Variants in HMG20A observed in about 807,000 individuals in gnomAD.
HMG20A encodes the protein high mobility group protein 20A.
Under a neutral mutation model 43.9 loss-of-function variants are expected in HMG20A, and 17 were observed. The observed-to-expected ratio is 0.39, with a 90% CI of 0.27 to 0.58. The LOEUF is 0.58. HMG20A is among the 20% of genes least tolerant of loss of function. The probability of loss-of-function intolerance (pLI) is 0.59; values close to 1 mark genes in which losing one functional copy is unlikely to be tolerated. For synonymous variants in HMG20A, 132 were observed against 147.5 expected, an observed-to-expected ratio of 0.89 and a Z score of 0.76; for missense variants, 341 against 438.2, an observed-to-expected ratio of 0.78 and a Z score of 1.98.
Position 77,460,467 on chromosome 15 carries a change from A to G in HMG20A, c.89+1971A>G, listed in dbSNP as rs576152137. On this transcript the variant is annotated intron_variant, in intron 2 of 9. Coordinates refer to ENST00000336216, the MANE Select transcript of HMG20A (RefSeq NM_001304504.2). ...AGGAGCTCAGTTTTGGAAATTTTAC[A>G]TTAAAGATGCTTATTAGATATCTAA... is the stretch of plus-strand genomic sequence containing the variant. Among the ~76,000 whole-genome samples the G allele has an allele frequency of 2.3e-4, 35 of 152,352 alleles. 1 individual carries two copies. The highest frequency in any genetic ancestry group is 8.4e-4 in the African/African-American group (35 of 41,588).
chr15:77,475,039 G>A (rs971201410), intron 6 of HMG20A, among the ~76,000 whole-genome samples: 9 of 152,152 alleles, frequency 5.9e-5, no homozygotes, highest in African/African-American at 2.2e-4. Context: ...AACTAAGATA[G>A]AAACAATAAT....
intron 2 of HMG20A, among the ~76,000 whole-genome samples, chr15:77,461,336 G>T (rs2072702997): frequency 6.6e-6 from 1 of 152,152 alleles, no homozygotes; most frequent in Non-Finnish European, 1.5e-5. Flanking sequence ...GAGAAAAATT[G>T]GGACCTTAAC....
chr15:77,477,555 A>C lies in HMG20A; in HGVS notation c.616A>C (p.Lys206Gln), dbSNP rs1291461088. Residue 206 changes from lysine (K) to glutamine (Q), a missense_variant and splice_region_variant, in exon 7 of 10, where the codon AAA (lysine) becomes CAA (glutamine). Lys to Gln is a moderately conservative substitution (Grantham distance 53, BLOSUM62 1). Coordinates refer to ENST00000336216, the MANE Select transcript of HMG20A (RefSeq NM_001304504.2). ...CTGTTTTGTTCCTCTTGATTCACAG[A>C]AAGAAACAGAGGTAAAGGAACGGTC... ...AARQATHDHE[K>Q]ETEVKERSVF... 1 of 1,604,626 alleles carries C rather than the reference A, an allele frequency of 6.2e-7. No individual in the cohort carries two copies. The highest frequency in any genetic ancestry group is 1.3e-5 in the African/African-American group (1 of 74,724).
At chr15:77,428,821 A>G (rs1472758697) in intron 1 of HMG20A, among the ~76,000 whole-genome samples, 3 of 152,048 alleles carry the variant, frequency 2.0e-5, no homozygotes, top group Admixed American at 2.0e-4. Flanking sequence ...AAAAATAGCC[A>G]GACATGGTGG....
chr15:77,465,085 C>T (rs914676507), intron 3 of HMG20A, among the ~76,000 whole-genome samples: 1 of 151,510 alleles, frequency 6.6e-6, no homozygotes, highest in African/African-American at 2.4e-5. Flanking sequence ...CATGGTGAAA[C>T]CCCGTCTCTA....
At chr15:77,500,111 G>A in the HMG20A span, among the ~76,000 whole-genome samples, 4 of 152,030 alleles carry the variant, frequency 2.6e-5, no homozygotes, top group Admixed American at 6.6e-5. Flanking sequence ...GATTACAAGC[G>A]TGAGCCACTG....
intron 1 of HMG20A, among the ~76,000 whole-genome samples, chr15:77,443,564 G>C (rs755457565): frequency 9.3e-5 from 14 of 150,738 alleles, no homozygotes; most frequent in Non-Finnish European, 1.6e-4. Context: ...GCTAATTTTT[G>C]TATTTTCAGT....
intron 1 of HMG20A, among the ~76,000 whole-genome samples, chr15:77,445,083 T>C (rs2073658436): frequency 6.6e-6 from 1 of 152,248 alleles, no homozygotes; most frequent in Non-Finnish European, 1.5e-5. Context: ...TTAGTTTCCA[T>C]TTATTACACT....
At chr15:77,492,635 T>C in the HMG20A span, among the ~76,000 whole-genome samples, 5 of 151,542 alleles carry the variant, frequency 3.3e-5, no homozygotes, top group African/African-American at 1.2e-4. Context: ...CTGGGAAACA[T>C]GGTGAGATCT....
At chr15:77,481,389 T>A (rs2072904748) in intron 9 of HMG20A, among the ~76,000 whole-genome samples, 1 of 152,222 alleles carries the variant, frequency 6.6e-6, no homozygotes, top group Admixed American at 6.5e-5. Flanking sequence ...CTTCCCATTT[T>A]CGTACAGTGT....
rs2072884642 is a variant in HMG20A, at chr15:77,479,193, C to G, written c.922C>G (p.Pro308Ala). ...SMPLPGSGET[P>A]TVDTIDSYMN... ...TCTCACTTCAGGAAGTGGAGAGACA[C>G]CTACAGTGGACACCATTGACTCATA... Residue 308 changes from proline (P) to alanine (A), a missense_variant, in exon 9 of 10, where the codon CCT (proline) becomes GCT (alanine). Physicochemically the swap from Pro to Ala is conservative, Grantham distance 27. This residue lies in a region of HMG20A where 118 missense variants were observed against 154.5 expected (regional missense o/e 0.76). Transcript: ENST00000336216. The G allele has an allele frequency of 6.2e-7, 1 of 1,613,708 alleles. No individual in the cohort carries two copies.
intron 1 of HMG20A, among the ~76,000 whole-genome samples, chr15:77,441,416 T>A (rs2073611732): frequency 6.6e-6 from 1 of 152,198 alleles, no homozygotes; most frequent in African/African-American, 2.4e-5. Flanking sequence ...TCTGCTAGTT[T>A]GTTAGTGTTT....
At chr15:77,430,646 G>A (rs2073474899) in intron 1 of HMG20A, among the ~76,000 whole-genome samples, 1 of 152,202 alleles carries the variant, frequency 6.6e-6, no homozygotes, top group Non-Finnish European at 1.5e-5. Context: ...GACAAAACTT[G>A]GATTTTAGAG....
chr15:77,436,881 T>C (rs1186344691), intron 1 of HMG20A, among the ~76,000 whole-genome samples: 1 of 152,226 alleles, frequency 6.6e-6, no homozygotes, highest in Non-Finnish European at 1.5e-5. Context: ...GGTTTACTCT[T>C]ATACTTTGGG....
At chr15:77,467,559 A>C (rs1187698079) in intron 4 of HMG20A, among the ~76,000 whole-genome samples, 1 of 152,200 alleles carries the variant, frequency 6.6e-6, no homozygotes, top group African/African-American at 2.4e-5. Flanking sequence ...TTATACGCTG[A>C]GTTCACATAA....
At chr15:77,439,166 C>T (rs1490335695) in intron 1 of HMG20A, among the ~76,000 whole-genome samples, 1 of 152,144 alleles carries the variant, frequency 6.6e-6, no homozygotes, top group East Asian at 1.9e-4. Context: ...TAGACATTCC[C>T]AAGAGAGGCT....
At chr15:77,467,834 G>T (rs879759863) in intron 4 of HMG20A, among the ~76,000 whole-genome samples, 1 of 152,160 alleles carries the variant, frequency 6.6e-6, no homozygotes, top group Non-Finnish European at 1.5e-5. Flanking sequence ...AAACTGAAAT[G>T]AATCCGTTCA....
chr15:77,454,133 G>C (rs985805115), intron 1 of HMG20A, among the ~76,000 whole-genome samples: 3 of 151,036 alleles, frequency 2.0e-5, no homozygotes, highest in African/African-American at 7.3e-5. Context: ...CTGCACTCCA[G>C]CCTGGGTGAC....
At chr15:77,424,560 C>A (rs773934074) in intron 1 of HMG20A, among the ~76,000 whole-genome samples, 1 of 152,154 alleles carries the variant, frequency 6.6e-6, no homozygotes, top group African/African-American at 2.4e-5. Context: ...TTATCTTACC[C>A]CCAATCTTGC....
Sources: allele counts gnomAD v4.1 joint callset (sites outside exome capture counted in the v4.1 genomes callset), GRCh38; gene constraint gnomAD v4.1.1; regional missense constraint gnomAD v4.1.1; transcripts MANE v1.5; gene names NCBI Gene and HGNC (gene_info 2026-07-23, HGNC 2026-07-21).